ATOSA: variants seen among roughly 807,000 people sequenced by gnomAD.
ATOSA encodes the protein atos homolog A.
chr15:52,603,140 T>C, the ATOSA span, among the ~76,000 whole-genome samples: 35 of 152,280 alleles, frequency 2.3e-4, no homozygotes, highest in African/African-American at 8.4e-4. Flanking sequence ...GTCAAACATT[T>C]GGAGTTTTTA....
chr15:52,666,933 T>G, the ATOSA span, among the ~76,000 whole-genome samples: 1 of 151,942 alleles, frequency 6.6e-6, no homozygotes, highest in Non-Finnish European at 1.5e-5. Context: ...AAGGCTTCTT[T>G]GATGGCAGAA....
At chr15:52,609,943 C>G in the ATOSA span, 1 of 1,611,840 alleles carries the variant, frequency 6.2e-7, no homozygotes, top group Non-Finnish European at 8.5e-7. Flanking sequence ...TTTTATATCA[C>G]CTATACCACT....
the ATOSA span, among the ~76,000 whole-genome samples, chr15:52,629,089 C>A: frequency 3.3e-5 from 5 of 152,174 alleles, no homozygotes; most frequent in Non-Finnish European, 5.9e-5. Context: ...CCCTTCCTGG[C>A]TGCTTAATAA....
chr15:52,668,823 A>C, the ATOSA span, among the ~76,000 whole-genome samples: 1 of 151,592 alleles, frequency 6.6e-6, no homozygotes, highest in Non-Finnish European at 1.5e-5. Context: ...GAGATAAAAC[A>C]AAAGTTGTAA....
chr15:52,674,792 T>A, the ATOSA span, among the ~76,000 whole-genome samples: 2 of 151,712 alleles, frequency 1.3e-5, no homozygotes, highest in Non-Finnish European at 2.9e-5. Context: ...GACCAATATA[T>A]AAGCATTTGT....
chr15:52,612,503 CTTTT>C, the ATOSA span, among the ~76,000 whole-genome samples: 18 of 112,754 alleles, frequency 1.6e-4, no homozygotes, highest in Non-Finnish European at 1.3e-4. Context: ...TAAACAAGAT[CTTTT>C]TTTTTTTTTT....
At chr15:52,692,829 T>TG in the ATOSA span, among the ~76,000 whole-genome samples, 76 of 151,432 alleles carry the variant, frequency 5.0e-4, 1 homozygote, top group African/African-American at 1.7e-3. Context: ...AGGGCCTTTT[T>TG]TTTTTGAGAT....
the ATOSA span, chr15:52,608,607 A>G: frequency 8.1e-6 from 13 of 1,600,508 alleles, no homozygotes; most frequent in East Asian, 2.9e-4. Context: ...ATGTAGACAA[A>G]CAGTCTTTTA....
At chr15:52,628,609 T>C in the ATOSA span, among the ~76,000 whole-genome samples, 1 of 152,204 alleles carries the variant, frequency 6.6e-6, no homozygotes, top group African/African-American at 2.4e-5. Flanking sequence ...ATATAGTTTT[T>C]TAAAAACACT....
the ATOSA span, chr15:52,605,207 T>C: frequency 3.7e-6 from 6 of 1,611,200 alleles, no homozygotes; most frequent in Non-Finnish European, 4.2e-6. Flanking sequence ...GAATGAAAAT[T>C]ATGTTTTCGC....
the ATOSA span, chr15:52,609,536 T>C: frequency 1.3e-5 from 21 of 1,613,684 alleles, no homozygotes; most frequent in South Asian, 2.0e-4. Context: ...TAAAAGTCAT[T>C]AGAAATACAA....
At chr15:52,705,876 C>G in the ATOSA span, among the ~76,000 whole-genome samples, 10 of 152,044 alleles carry the variant, frequency 6.6e-5, no homozygotes, top group Non-Finnish European at 1.2e-4. Flanking sequence ...TCTTTTTACT[C>G]TATATTATTT....
chr15:52,646,595 T>C, the ATOSA span, among the ~76,000 whole-genome samples: 8 of 152,092 alleles, frequency 5.3e-5, no homozygotes, highest in Admixed American at 5.2e-4. Flanking sequence ...AGGGTACTAA[T>C]GTATGGAGCA....
chr15:52,614,738 C>T, the ATOSA span, among the ~76,000 whole-genome samples: 1 of 151,852 alleles, frequency 6.6e-6, no homozygotes, highest in Non-Finnish European at 1.5e-5. Context: ...ATCTCAGCTA[C>T]TCAGGAGGCT....
the ATOSA span, among the ~76,000 whole-genome samples, chr15:52,660,540 A>G: frequency 6.6e-6 from 1 of 152,226 alleles, no homozygotes; most frequent in Admixed American, 6.5e-5. Context: ...TAGCCTTCGT[A>G]TATTTCCTTC....
the ATOSA span, among the ~76,000 whole-genome samples, chr15:52,616,655 G>T: frequency 7.2e-5 from 11 of 152,236 alleles, no homozygotes; most frequent in East Asian, 1.9e-3. Flanking sequence ...CCCATCCTGG[G>T]TCAGTCTATT....
chr15:52,629,599 C>T, the ATOSA span: 11 of 393,256 alleles, frequency 2.8e-5, no homozygotes, highest in Admixed American at 5.4e-5. Flanking sequence ...CTCAGGAGTT[C>T]GAGACTAGCC....
chr15:52,622,032 A>G, the ATOSA span, among the ~76,000 whole-genome samples: 1 of 152,076 alleles, frequency 6.6e-6, no homozygotes, highest in Non-Finnish European at 1.5e-5. Context: ...TTTTTAGTAG[A>G]GATGGGGTTT....
At chr15:52,695,152 T>C in the ATOSA span, among the ~76,000 whole-genome samples, 1 of 152,152 alleles carries the variant, frequency 6.6e-6, no homozygotes, top group Non-Finnish European at 1.5e-5. Flanking sequence ...CTTGAACTCC[T>C]GGTCTCAAGC....
Sources: allele counts gnomAD v4.1 joint callset (sites outside exome capture counted in the v4.1 genomes callset), GRCh38; gene constraint gnomAD v4.1.1; transcripts MANE v1.5; gene names NCBI Gene and HGNC (gene_info 2026-07-23, HGNC 2026-07-21).